Variants in SPEN observed in about 807,000 individuals in gnomAD.
SPEN encodes spen family transcriptional repressor, also known as msx2-interacting protein.
Under a neutral mutation model 269.9 loss-of-function variants are expected in SPEN, and 18 were observed. That is an observed-to-expected ratio of 0.07 (90% CI 0.05 to 0.10). SPEN has a LOEUF of 0.10. Ranked by LOEUF, SPEN falls within the 10% of genes least tolerant of loss-of-function variation. The pLI, the probability that SPEN is intolerant of heterozygous loss-of-function variation, is 1.00. For missense variants in SPEN, 3,822 were observed against 4,631.2 expected, an observed-to-expected ratio of 0.83 and a Z score of 5.07; for synonymous variants, 1,726 against 1,765.7, an observed-to-expected ratio of 0.98 and a Z score of 0.56.
rs201279064 is a variant in SPEN at position 15,937,447 on chromosome 1, C to T, written c.10311C>T (p.Val3437=). The change falls in exon 12 of 15, where the codon GTC becomes GTT. Residue 3437 remains valine (V), a synonymous_variant. Transcript: ENST00000375759. The surrounding 1 kb of genome is among the most constrained non-coding windows in gnomAD (Gnocchi z 5.7). ...GPTSFPSPVS[V]SMKPDLPVSL... ...CTTCCTTCCCCTCCCCTGTGTCTGT[C>T]TCCATGAAGCCTGACCTTCCAGTCT... The T allele has an allele frequency of 6.2e-7, 1 of 1,613,894 alleles. No individual in the cohort carries two copies. Among genetic ancestry groups the T allele is most frequent in the African/African-American group, 1.3e-5 (1 of 75,032 alleles).
chr1:15,923,667 T>G (rs1257854397), intron 10 of SPEN, among the ~76,000 whole-genome samples: 1 of 151,454 alleles, frequency 6.6e-6, no homozygotes, highest in Non-Finnish European at 1.5e-5. Flanking sequence ...CGTTGAATAC[T>G]TTGTGCTTTT....
chr1:15,938,707 C>G lies in SPEN; in HGVS notation c.10705-11C>G. 6.2e-7 allele frequency: 1 copy of G among 1,609,384 alleles called. No individual in the cohort carries two copies. The highest frequency in any genetic ancestry group is 8.5e-7 in the Non-Finnish European group (1 of 1,177,424). ...AGGCCCCTGCTCACTGGCAGCTGGC[C>G]TCTGCCTCAGGTGGAGACAGATTAC... On this transcript the variant is annotated splice_polypyrimidine_tract_variant and intron_variant, in intron 13 of 14. Transcript: ENST00000375759.
rs1325261796 is a variant in SPEN, at chr1:15,876,647, A to G, written c.850A>G (p.Ile284Val). 8.1e-6 allele frequency: 13 copies of G among 1,613,394 alleles called. No individual in the cohort carries two copies. Among genetic ancestry groups the G allele is most frequent in the East Asian group, 2.2e-5 (1 of 44,900 alleles). The change falls in exon 3 of 15, where the codon ATC becomes GTC. Residue 284 changes from isoleucine (I) to valine (V), a missense_variant. Transcript: ENST00000375759. ...AAGTAGATCCTCCAGTAGTGATTCA[A>G]TCAGCAGCAGCAGTAGTACCAGCAG... ...SRSRSSSSDS[I>V]SSSSSTSSDS...
In SPEN at chr1:15,906,605, C is replaced by T. The variant is rs142401256; in HGVS notation, c.882-2716C>T. Among the ~76,000 whole-genome samples, 976 of 151,076 alleles carry T rather than the reference C, an allele frequency of 6.5e-3. 8 individuals carry two copies. Among genetic ancestry groups the T allele is most frequent in the Middle Eastern group, 0.017 (5 of 288 alleles). ...TCCAGAGTAGCTTGGATTACAGGCA[C>T]GTCATGTGCCACCAAGCCTGGCTAA... On this transcript the variant is annotated intron_variant, in intron 3 of 14. Coordinates refer to ENST00000375759, the MANE Select transcript of SPEN (RefSeq NM_015001.3).
At chr1:15,894,503 G>A (rs2070819658) in intron 3 of SPEN, among the ~76,000 whole-genome samples, 1 of 149,232 alleles carries the variant, frequency 6.7e-6, no homozygotes, top group African/African-American at 2.5e-5. Flanking sequence ...CTGTTATTAG[G>A]ACAGTAGATC....
rs117428963 is a variant in SPEN at position 15,879,419 on chromosome 1, T to C, written c.881+2741T>C. ...GTGATCTGATGAATTTGATGGAGCTTAGTCCCTGCTCATGTAATTAAAAAA... is the reference window on the plus strand; with the variant it reads ...GTGATCTGATGAATTTGATGGAGCTCAGTCCCTGCTCATGTAATTAAAAAA... On this transcript the variant is annotated intron_variant, in intron 3 of 14. Coordinates refer to ENST00000375759, the MANE Select transcript of SPEN (RefSeq NM_015001.3). Among the ~76,000 whole-genome samples the C allele has an allele frequency of 1.2e-4, 18 of 152,196 alleles. No individual in the cohort carries two copies. In the East Asian group the frequency reaches 3.1e-3, roughly 26 times the overall value.
intron 3 of SPEN, among the ~76,000 whole-genome samples, chr1:15,900,629 C>G (rs1410592202): frequency 1.3e-5 from 2 of 152,016 alleles, no homozygotes; most frequent in Admixed American, 6.6e-5. Flanking sequence ...TTTTTTCTTA[C>G]AATTCAAAGA....
chr1:15,922,133 C>T (rs2071125314), intron 9 of SPEN, 116 bp from the exon 10 acceptor site: 1 of 704,142 alleles, frequency 1.4e-6, no homozygotes, highest in Admixed American at 2.8e-5. Context: ...AGATACATTG[C>T]TGTTTCCTGA....
chr1:15,929,561 T>G lies in SPEN; in HGVS notation c.3321T>G (p.Ile1107Met). The change falls in exon 11 of 15, where the codon ATT becomes ATG. Residue 1107 changes from isoleucine to methionine, a missense_variant. Coordinates refer to ENST00000375759, the MANE Select transcript of SPEN (RefSeq NM_015001.3). The surrounding 1 kb of genome is among the most constrained non-coding windows in gnomAD (Gnocchi z 5.8). ...ENQEVQSKKP[I>M]PSKPQLKQLQ... ...AAGAAGTCCAATCAAAAAAGCCCATTCCCTCAAAACCACAGCTCAAACAGC... is the reference window on the plus strand; with the variant it reads ...AAGAAGTCCAATCAAAAAAGCCCATGCCCTCAAAACCACAGCTCAAACAGC... The G allele has an allele frequency of 6.2e-7, 1 of 1,613,836 alleles. No individual in the cohort carries two copies. Among genetic ancestry groups the G allele is most frequent in the Non-Finnish European group, 8.5e-7 (1 of 1,179,932 alleles).
intron 4 of SPEN, 67 bp downstream of exon 4, chr1:15,909,548 A>C: frequency 7.1e-7 from 1 of 1,408,672 alleles, no homozygotes. Context: ...ATACTGCATT[A>C]CATTGAAATA....
intron 3 of SPEN, among the ~76,000 whole-genome samples, chr1:15,890,351 C>T (rs932842904): frequency 1.1e-3 from 164 of 152,020 alleles, no homozygotes; most frequent in African/African-American, 3.8e-3. Flanking sequence ...CCTGCCTCAG[C>T]CTCCCGAGTA....
rs2071267974 is a variant in SPEN, at chr1:15,935,720, G to A, written c.9480G>A (p.Val3160=). Residue 3160 remains valine, a synonymous_variant, in exon 11 of 15, where the codon GTG becomes GTA. Coordinates refer to ENST00000375759, the MANE Select transcript of SPEN (RefSeq NM_015001.3). This position sits in a 1 kb window ranked among gnomAD's most constrained non-coding sequence, Gnocchi z 7.7. ...LASQHPPEEE[V]HYHLPVARAT... is the part of the protein sequence containing the mutation. ...CCCAGCACCCTCCCGAGGAGGAAGT[G>A]CATTATCACCTTCCTGTCGCTCGAG... is the stretch of plus-strand genomic sequence containing the variant. The A allele has an allele frequency of 1.2e-6, 2 of 1,613,448 alleles. No homozygotes were observed. The highest frequency in any genetic ancestry group is 2.7e-5 in the African/African-American group (2 of 75,028).
chr1:15,893,327 C>G (rs1339375539), intron 3 of SPEN, among the ~76,000 whole-genome samples: 1 of 151,994 alleles, frequency 6.6e-6, no homozygotes, highest in Non-Finnish European at 1.5e-5. Context: ...ATGTTATTTT[C>G]GATGGTGGTA....
At chr1:15,855,413 C>T (rs1337261709) in intron 1 of SPEN, among the ~76,000 whole-genome samples, 3 of 151,666 alleles carry the variant, frequency 2.0e-5, no homozygotes, top group Admixed American at 2.0e-4. Context: ...TTTTACACAT[C>T]ATTTATTTTT....
intron 10 of SPEN, among the ~76,000 whole-genome samples, chr1:15,923,878 C>T (rs1410677786): frequency 7.2e-5 from 11 of 152,156 alleles, no homozygotes; most frequent in Admixed American, 5.2e-4. Context: ...CCATATTGGT[C>T]AGGCTGGTCT....
intron 3 of SPEN, among the ~76,000 whole-genome samples, chr1:15,906,016 T>C (rs903980271): frequency 3.1e-4 from 48 of 152,384 alleles, no homozygotes; most frequent in African/African-American, 1.1e-3. Flanking sequence ...ACTTTATGAT[T>C]ATTGCCATTG....
At chr1:15,938,455 A>G (rs2071300880) in intron 13 of SPEN, 8 of 368,994 alleles carry the variant, frequency 2.2e-5, no homozygotes, top group South Asian at 1.8e-4. Flanking sequence ...AGGGTCCACT[A>G]TGCTTCTACT....
chr1:15,873,579 A>G, intron 2 of SPEN: 2 of 996,394 alleles, frequency 2.0e-6, no homozygotes, highest in East Asian at 1.1e-4. Context: ...TTTTCACTAC[A>G]TAAAGTGTAC....
chr1:15,932,707 C>G lies in SPEN; in HGVS notation c.6467C>G (p.Ser2156Cys), dbSNP rs142682023. 9.4e-5 allele frequency: 152 copies of G among 1,614,190 alleles called. No homozygotes were observed. In the African/African-American group the frequency reaches 1.6e-3, roughly 17 times the overall value. ...CCAGAGAAAGAAGACGTGTCTGCCT[C>G]TGGGCCGTCCCCAGAAGCCACCCAG... Reference protein sequence around the residue: ...KEPEKEDVSASGPSPEATQLA... With the variant: ...KEPEKEDVSACGPSPEATQLA... The change falls in exon 11 of 15, where the codon TCT becomes TGT. Residue 2156 changes from serine (S) to cysteine (C), a missense_variant. Coordinates refer to ENST00000375759, the MANE Select transcript of SPEN (RefSeq NM_015001.3). The surrounding 1 kb of genome is among the most constrained non-coding windows in gnomAD (Gnocchi z 4.2).
Sources: gnomAD v4.1 joint callset for allele counts (sites outside exome capture counted in the v4.1 genomes callset) on GRCh38, gnomAD v4.1.1 for gene constraint, Gnocchi (gnomAD v3.1) non-coding constraint, MANE v1.5 for transcripts, NCBI Gene and HGNC (gene_info 2026-07-23, HGNC 2026-07-21) for gene names.